The following NME7 variants were observed in gnomAD, a reference collection of about 807,000 sequenced individuals.
NME7 encodes the protein nucleoside diphosphate kinase 7.
Under a neutral mutation model 49.1 loss-of-function variants are expected in NME7, and 41 were observed. The observed-to-expected ratio is 0.83, with a 90% CI of 0.65 to 1.08. NME7 has a LOEUF of 1.08. NME7 is among the 50% of genes least tolerant of loss of function. NME7 has a pLI of 0.00. For synonymous variants in NME7, 139 were observed against 150.6 expected (o/e 0.92, Z 0.56); for missense variants, 423 against 463.4 (o/e 0.91, Z 0.80).
At chr1:169,234,746 G>A (rs1647788904) in intron 9 of NME7, among the ~76,000 whole-genome samples, 2 of 152,050 alleles carry the variant, frequency 1.3e-5, no homozygotes. Context: ...GAAGAGAACT[G>A]AATTTAGGAA....
intron 11 of NME7, among the ~76,000 whole-genome samples, chr1:169,137,156 A>G (rs1487210464): frequency 6.6e-6 from 1 of 152,234 alleles, no homozygotes; most frequent in African/African-American, 2.4e-5. Context: ...TAGATGACCA[A>G]CTTTCAACTC....
intron 7 of NME7, among the ~76,000 whole-genome samples, chr1:169,244,589 T>C (rs1342371839): frequency 6.8e-6 from 1 of 148,134 alleles, no homozygotes; most frequent in Non-Finnish European, 1.5e-5. Flanking sequence ...TGAGCCGAGA[T>C]TGCACCACTG....
chr1:169,171,445 C>A (rs12076469), intron 10 of NME7, among the ~76,000 whole-genome samples: 54,219 of 152,076 alleles, frequency 0.36, 10,443 homozygotes, highest in East Asian at 0.73. Flanking sequence ...CTGCTACATG[C>A]ACAGCACTTG....
intron 4 of NME7, among the ~76,000 whole-genome samples, chr1:169,307,283 C>G (rs1357838908): frequency 6.6e-6 from 1 of 152,196 alleles, no homozygotes; most frequent in Non-Finnish European, 1.5e-5. Flanking sequence ...AAGATACACT[C>G]TGTTAAGACA....
intron 7 of NME7, among the ~76,000 whole-genome samples, chr1:169,242,935 C>G (rs1648153896): frequency 6.6e-6 from 1 of 151,942 alleles, no homozygotes. Context: ...ATACAGTGTT[C>G]AGGGAATACT....
intron 7 of NME7, among the ~76,000 whole-genome samples, chr1:169,244,320 T>C (rs1648215576): frequency 6.6e-6 from 1 of 152,164 alleles, no homozygotes; most frequent in Non-Finnish European, 1.5e-5. Flanking sequence ...AACTGCTTAA[T>C]AGAGAGAACA....
chr1:169,346,699 T>C (rs1652962482), intron 1 of NME7, among the ~76,000 whole-genome samples: 1 of 152,270 alleles, frequency 6.6e-6, no homozygotes. Context: ...CAAGCCCTTT[T>C]AGGGCAGAGA....
At chr1:169,350,593 G>T (rs1571412423) in intron 1 of NME7, among the ~76,000 whole-genome samples, 2 of 151,718 alleles carry the variant, frequency 1.3e-5, no homozygotes, top group South Asian at 2.1e-4. Context: ...ATTGGTCCTG[G>T]ATTTCTTTCT....
chr1:169,201,350 C>T (rs1046195294), intron 10 of NME7, among the ~76,000 whole-genome samples: 1 of 152,058 alleles, frequency 6.6e-6, no homozygotes, highest in African/African-American at 2.4e-5. Flanking sequence ...TTGGGAGCCA[C>T]AGAACAGTGT....
chr1:169,351,929 T>G (rs1206697340), intron 1 of NME7, among the ~76,000 whole-genome samples: 1 of 151,844 alleles, frequency 6.6e-6, no homozygotes, highest in East Asian at 1.9e-4. Flanking sequence ...AAAGCCATAA[T>G]AAAAAGTCTC....
chr1:169,171,616 A>G (rs866079543), intron 10 of NME7, among the ~76,000 whole-genome samples: 1 of 152,176 alleles, frequency 6.6e-6, no homozygotes, highest in Middle Eastern at 3.4e-3. Flanking sequence ...TACAAAAATT[A>G]GCAGGGCATG....
At chr1:169,175,405 G>C (rs1022230256) in intron 10 of NME7, among the ~76,000 whole-genome samples, 8 of 152,040 alleles carry the variant, frequency 5.3e-5, no homozygotes, top group African/African-American at 1.7e-4. Flanking sequence ...ACGATAAAAA[G>C]TATAGTAAAT....
At chr1:169,306,025 G>T (rs1338792878) in intron 4 of NME7, among the ~76,000 whole-genome samples, 1 of 152,196 alleles carries the variant, frequency 6.6e-6, no homozygotes, top group Non-Finnish European at 1.5e-5. Context: ...ATTTGAGTTG[G>T]TTCTGAACGA....
At chr1:169,273,245 T>C (rs1397950256) in intron 7 of NME7, among the ~76,000 whole-genome samples, 2 of 130,462 alleles carry the variant, frequency 1.5e-5, no homozygotes, top group East Asian at 2.0e-4. Context: ...GTGTGTGATG[T>C]TCCCCTCCCT....
At chr1:169,278,305 C>T (rs1328530180) in intron 7 of NME7, among the ~76,000 whole-genome samples, 2 of 151,502 alleles carry the variant, frequency 1.3e-5, no homozygotes, top group Non-Finnish European at 2.9e-5. Context: ...TCCATTCTCC[C>T]CGTCACTTTC....
rs149258035 is a variant in NME7, at chr1:169,344,157, G to T, written c.4-19657C>A. 2.3e-3 allele frequency among the ~76,000 whole-genome samples: 356 copies of T among 152,258 alleles called. 1 individual carries two copies. Among genetic ancestry groups the T allele is most frequent in the Non-Finnish European group, 3.7e-3 (249 of 67,996 alleles). On this transcript the variant is annotated intron_variant, in intron 1 of 11. Transcript: ENST00000367811. ...GAGTATTCTTTTGGTGTCATTGTAA[G>T]TGGAGTTAATTTCTTAATCTCTTTT...
At chr1:169,219,487 C>A (rs1045956023) in intron 10 of NME7, among the ~76,000 whole-genome samples, 4 of 152,188 alleles carry the variant, frequency 2.6e-5, no homozygotes, top group African/African-American at 9.6e-5. Flanking sequence ...GGTACTGGAA[C>A]CAAGCCCCCA....
chr1:169,231,179 C>T lies in NME7; in HGVS notation c.889-360G>A, dbSNP rs139890188. On this transcript the variant is annotated intron_variant, in intron 9 of 11. Transcript: ENST00000367811. ...ATTTCAAAGGTTTTATCCTAAAAAA[C>T]CTTTTAAAAATCATAATGCATTCTA... 6.9e-3 allele frequency among the ~76,000 whole-genome samples: 1,043 copies of T among 152,164 alleles called. 15 individuals carry two copies. The highest frequency in any genetic ancestry group is 0.024 in the African/African-American group (980 of 41,512).
At chr1:169,362,099 T>C (rs1437832828) in intron 1 of NME7, among the ~76,000 whole-genome samples, 1 of 152,062 alleles carries the variant, frequency 6.6e-6, no homozygotes, top group East Asian at 1.9e-4. Context: ...TCCAAGTTAC[T>C]CACAAGGTGG....
Sources: allele counts gnomAD v4.1 joint callset (sites outside exome capture counted in the v4.1 genomes callset), GRCh38; gene constraint gnomAD v4.1.1; transcripts MANE v1.5; gene names NCBI Gene and HGNC (gene_info 2026-07-23, HGNC 2026-07-21).